Variants in OSBPL8 observed in about 807,000 individuals in gnomAD.
OSBPL8 encodes oxysterol-binding protein-related protein 8.
Under a neutral mutation model 125.5 loss-of-function variants are expected in OSBPL8, and 59 were observed. That is an observed-to-expected ratio of 0.47 (90% CI 0.38 to 0.58). The LOEUF is 0.58. Ranked by LOEUF, OSBPL8 falls within the 20% of genes least tolerant of loss-of-function variation. The pLI, the probability that OSBPL8 is intolerant of heterozygous loss-of-function variation, is 0.00. For missense variants in OSBPL8, 758 were observed against 1,047.8 expected (o/e 0.72, Z 3.82); for synonymous variants, 330 against 338.9 (o/e 0.97, Z 0.29).
chr12:76,405,051 G>C (rs376618707), intron 5 of OSBPL8, among the ~76,000 whole-genome samples: 2 of 152,134 alleles, frequency 1.3e-5, no homozygotes, highest in African/African-American at 4.8e-5. Flanking sequence ...GCTGGGATTT[G>C]TACCCTACTC....
chr12:76,525,312 CAT>C (rs1456644437), intron 1 of OSBPL8, among the ~76,000 whole-genome samples: 2 of 151,974 alleles, frequency 1.3e-5, no homozygotes, highest in African/African-American at 4.8e-5. Context: ...AAAATATACA[CAT>C]AAAGTAACAC....
At chr12:76,509,747 T>C (rs1485394253) in intron 1 of OSBPL8, among the ~76,000 whole-genome samples, 1 of 152,112 alleles carries the variant, frequency 6.6e-6, no homozygotes, top group East Asian at 1.9e-4. Context: ...ATTAGAGGTG[T>C]GCCGTGCAAG....
chr12:76,501,702 T>C (rs1398530599), intron 1 of OSBPL8, among the ~76,000 whole-genome samples: 2 of 152,236 alleles, frequency 1.3e-5, no homozygotes, highest in Admixed American at 1.3e-4. Flanking sequence ...AAAGCTGACC[T>C]GGCTAGAGCC....
intron 4 of OSBPL8, among the ~76,000 whole-genome samples, chr12:76,442,751 C>T (rs1297595132): frequency 6.6e-6 from 1 of 152,144 alleles, no homozygotes; most frequent in Non-Finnish European, 1.5e-5. Context: ...CTTAACAAGA[C>T]AGGAGGAACT....
intron 17 of OSBPL8, among the ~76,000 whole-genome samples, chr12:76,374,114 C>CT (rs1046535240): frequency 2.0e-5 from 3 of 152,064 alleles, no homozygotes; most frequent in African/African-American, 7.2e-5. Context: ...CTTAAGAGGT[C>CT]TTTTTTATCA....
At chr12:76,553,994 A>AAC (rs1951022319) in intron 1 of OSBPL8, among the ~76,000 whole-genome samples, 1 of 150,940 alleles carries the variant, frequency 6.6e-6, no homozygotes, top group Admixed American at 6.6e-5. Context: ...AAAAAAAAAA[A>AAC]ACACTAAAAA....
chr12:76,547,780 C>T (rs571383149), intron 1 of OSBPL8, among the ~76,000 whole-genome samples: 5 of 152,274 alleles, frequency 3.3e-5, no homozygotes, highest in East Asian at 3.9e-4. Context: ...CTATTTTACA[C>T]ACAATTCTAA....
intron 8 of OSBPL8, 21 bp downstream of exon 8, chr12:76,397,673 A>G (rs1381543319): frequency 1.5e-5 from 24 of 1,604,956 alleles, no homozygotes; most frequent in Non-Finnish European, 2.0e-5. Context: ...CCTTTCACCT[A>G]TGTAACAAGG....
At chr12:76,495,222 A>T (rs577193632) in intron 1 of OSBPL8, among the ~76,000 whole-genome samples, 1 of 152,358 alleles carries the variant, frequency 6.6e-6, no homozygotes, top group African/African-American at 2.4e-5. Flanking sequence ...GATTTTCTAT[A>T]AACCAGTTAT....
intron 3 of OSBPL8, among the ~76,000 whole-genome samples, chr12:76,452,093 G>A (rs922338870): frequency 5.9e-5 from 9 of 151,936 alleles, no homozygotes; most frequent in African/African-American, 2.2e-4. Context: ...CTCCAGCCTG[G>A]GCAACAAGAG....
chr12:76,452,555 T>C (rs1873544559), intron 3 of OSBPL8, among the ~76,000 whole-genome samples: 1 of 152,202 alleles, frequency 6.6e-6, no homozygotes, highest in South Asian at 2.1e-4. Context: ...CTCCCACTAC[T>C]TTCTCAGGCC....
chr12:76,371,623 T>C (rs1169913202), intron 18 of OSBPL8, 39 bp from the exon 19 acceptor site: 2 of 1,481,980 alleles, frequency 1.3e-6, no homozygotes, highest in African/African-American at 1.4e-5. Context: ...TAAAGAATTA[T>C]ACTTAGAAGG....
chr12:76,383,270 A>G (rs1032632805), intron 15 of OSBPL8, among the ~76,000 whole-genome samples: 1 of 152,150 alleles, frequency 6.6e-6, no homozygotes, highest in African/African-American at 2.4e-5. Flanking sequence ...CATTTATACT[A>G]TAGTCAGGGT....
chr12:76,483,765 C>A (rs1367048153), intron 2 of OSBPL8, among the ~76,000 whole-genome samples: 7 of 145,840 alleles, frequency 4.8e-5, no homozygotes, highest in African/African-American at 1.8e-4. Context: ...ACTTCAGCCT[C>A]CCGACTTCAG....
chr12:76,453,299 A>ACATCATAAAG (rs1873639142), intron 3 of OSBPL8, among the ~76,000 whole-genome samples: 3 of 152,314 alleles, frequency 2.0e-5, no homozygotes, highest in Admixed American at 2.0e-4. Flanking sequence ...TTTTTATAAA[A>ACATCATAAAG]CATCATAAAG....
intron 16 of OSBPL8, among the ~76,000 whole-genome samples, chr12:76,378,071 A>G (rs1952897504): frequency 6.6e-6 from 1 of 152,222 alleles, no homozygotes; most frequent in African/African-American, 2.4e-5. Context: ...AACTTGGTAC[A>G]TTAAAAAATA....
chr12:76,461,669 C>A (rs982823078), intron 2 of OSBPL8, among the ~76,000 whole-genome samples: 1 of 152,074 alleles, frequency 6.6e-6, no homozygotes, highest in Admixed American at 6.5e-5. Context: ...GAACTCCTGA[C>A]CTTCTGATCC....
At chr12:76,540,490 G>A (rs1310873630) in intron 1 of OSBPL8, among the ~76,000 whole-genome samples, 1 of 17,540 alleles carries the variant, frequency 5.7e-5, no homozygotes, top group African/African-American at 1.7e-4. Context: ...ATATAGTCGT[G>A]TGTGTGTGTG....
At chr12:76,379,730 A>G (rs2136235920) in intron 15 of OSBPL8, among the ~76,000 whole-genome samples, 1 of 152,248 alleles carries the variant, frequency 6.6e-6, no homozygotes, top group South Asian at 2.1e-4. Flanking sequence ...AGCATTCTGT[A>G]GTTGTGATTA....
Sources: gnomAD v4.1 joint callset for allele counts (sites outside exome capture counted in the v4.1 genomes callset) on GRCh38, gnomAD v4.1.1 for gene constraint, MANE v1.5 for transcripts, NCBI Gene and HGNC (gene_info 2026-07-23, HGNC 2026-07-21) for gene names.